SEZ6L: variants seen among roughly 807,000 people sequenced by gnomAD.
SEZ6L encodes seizure 6-like protein.
A neutral mutation model predicts 106.2 loss-of-function variants in SEZ6L; 37 were observed. The observed-to-expected ratio is 0.35, with a 90% CI of 0.27 to 0.46. The LOEUF is 0.46. Among genes scored for constraint, SEZ6L ranks in the 20% least tolerant of loss-of-function variants. The pLI, the probability that SEZ6L is intolerant of heterozygous loss-of-function variation, is 1.00. For synonymous variants in SEZ6L, 541 were observed against 570.4 expected (o/e 0.95, Z 0.73); for missense variants, 1,172 against 1,332.8 (o/e 0.88, Z 1.88).
Position 26,365,432 on chromosome 22 carries a change from A to T in SEZ6L, c.2660A>T (p.Tyr887Phe). 6.2e-7 allele frequency: 1 copy of T among 1,613,812 alleles called. No homozygotes were observed. Among genetic ancestry groups the T allele is most frequent in the Non-Finnish European group, 8.5e-7 (1 of 1,179,762 alleles). Reference sequence around the variant, plus strand: ...CCTGAAAATGGATACCAAATCCTGTACAAGCGACTCTACCTGCCAGGAGAG... The same window carrying T: ...CCTGAAAATGGATACCAAATCCTGTTCAAGCGACTCTACCTGCCAGGAGAG... ...GLPENGYQILYKRLYLPGESL... is the reference protein window; with the variant it reads ...GLPENGYQILFKRLYLPGESL... The change falls in exon 13 of 17, where the codon TAC becomes TTC. Residue 887 changes from tyrosine (Y) to phenylalanine (F), a missense_variant. Tyr to Phe is a conservative substitution (Grantham distance 22). Transcript: ENST00000248933.
intron 9 of SEZ6L, among the ~76,000 whole-genome samples, chr22:26,331,667 T>C (rs1020544359): frequency 6.6e-5 from 10 of 152,162 alleles, no homozygotes; most frequent in African/African-American, 1.9e-4. Context: ...TGTAAAATGT[T>C]AGGGAGACAA....
At position 26,347,837 on chromosome 22, in the gene SEZ6L, T is replaced by C. The variant is rs1401758688; in HGVS notation, c.2331T>C (p.Tyr777=). The C allele has an allele frequency of 1.2e-6, 2 of 1,604,804 alleles. No individual in the cohort carries two copies. The change falls in exon 11 of 17, where the codon TAT becomes TAC. Residue 777 remains tyrosine, a synonymous_variant. Coordinates refer to ENST00000248933, the MANE Select transcript of SEZ6L (RefSeq NM_021115.5). ...ARITYQCDPG[Y]DIVGSDTLTC... ...TCACCTACCAGTGTGACCCCGGCTA[T>C]GACATCGTGGGGAGTGACACCCTCA...
At chr22:26,380,221 C>A (rs2084371497) in intron 16 of SEZ6L, 45 bp from the exon 17 acceptor site, 18 of 1,602,890 alleles carry the variant, frequency 1.1e-5, no homozygotes, top group Non-Finnish European at 1.5e-5. Context: ...GTATATCACT[C>A]TACCACACAA....
chr22:26,231,745 A>G (rs1192087481), intron 1 of SEZ6L, among the ~76,000 whole-genome samples: 1 of 152,234 alleles, frequency 6.6e-6, no homozygotes, highest in Non-Finnish European at 1.5e-5. Flanking sequence ...GCAGAGGCAG[A>G]AAGCATTCTG....
In SEZ6L at chr22:26,293,091, G is replaced by A; in HGVS notation, c.780G>A (p.Glu260=). Residue 260 remains glutamate (E), a synonymous_variant, in exon 2 of 17, where the codon GAG becomes GAA. Coordinates refer to ENST00000248933, the MANE Select transcript of SEZ6L (RefSeq NM_021115.5). ...GGTCAGCCTCAGAGGAGAGCCAGGA[G>A]ACCACTACCTCCACCATTATCACCA... ...LTGSASEESQ[E]TTTSTIITTT... 1 of 1,607,652 alleles carries A rather than the reference G, an allele frequency of 6.2e-7. No individual in the cohort carries two copies.
intron 13 of SEZ6L, among the ~76,000 whole-genome samples, chr22:26,372,370 G>A (rs2146077702): frequency 6.6e-6 from 1 of 152,294 alleles, no homozygotes; most frequent in South Asian, 2.1e-4. Flanking sequence ...CAACCACGGT[G>A]CAACTCACAT....
At chr22:26,216,091 A>G (rs2078290563) in intron 1 of SEZ6L, among the ~76,000 whole-genome samples, 1 of 152,112 alleles carries the variant, frequency 6.6e-6, no homozygotes. Context: ...CCATCCAGCA[A>G]GCTTAAAGGA....
rs117046637 is a variant in SEZ6L, at chr22:26,194,603, G to C, written c.94+24840G>C. On this transcript the variant is annotated intron_variant, in intron 1 of 16. Coordinates refer to ENST00000248933, the MANE Select transcript of SEZ6L (RefSeq NM_021115.5). Reference sequence around the variant, plus strand: ...AACCATTGGACATAATATGCACTAGGCTCTTAGAAAAGAGTTGAGGGATCA... The same window carrying C: ...AACCATTGGACATAATATGCACTAGCCTCTTAGAAAAGAGTTGAGGGATCA... 3.2e-3 allele frequency among the ~76,000 whole-genome samples: 481 copies of C among 152,314 alleles called. 3 individuals are homozygous for C. Among genetic ancestry groups the C allele is most frequent in the Middle Eastern group, 0.017 (5 of 294 alleles).
At chr22:26,350,802 G>A (rs567270656) in intron 11 of SEZ6L, among the ~76,000 whole-genome samples, 4 of 151,866 alleles carry the variant, frequency 2.6e-5, no homozygotes, top group South Asian at 2.1e-4. Flanking sequence ...GAGTACAGGC[G>A]CCCACCACCA....
chr22:26,193,326 G>A (rs904752612), intron 1 of SEZ6L, among the ~76,000 whole-genome samples: 6 of 152,142 alleles, frequency 3.9e-5, no homozygotes, highest in Admixed American at 6.5e-5. Context: ...AGCCCTTGGT[G>A]AATATCCTAG....
intron 1 of SEZ6L, among the ~76,000 whole-genome samples, chr22:26,206,087 A>T (rs1489750864): frequency 6.6e-6 from 1 of 152,224 alleles, no homozygotes; most frequent in Non-Finnish European, 1.5e-5. Context: ...TTCACTCTAC[A>T]AACATAACCC....
chr22:26,276,745 T>C (rs1453876050), intron 1 of SEZ6L, among the ~76,000 whole-genome samples: 1 of 152,058 alleles, frequency 6.6e-6, no homozygotes, highest in African/African-American at 2.4e-5. Flanking sequence ...CACAAAGCCG[T>C]ACCATGAGAT....
At chr22:26,313,272 AG>A (rs2081895200) in intron 8 of SEZ6L, among the ~76,000 whole-genome samples, 1 of 152,164 alleles carries the variant, frequency 6.6e-6, no homozygotes, top group Admixed American at 6.5e-5. Context: ...TAACCCAATG[AG>A]GTTGGCAGTG....
At chr22:26,201,769 G>A (rs77687814) in intron 1 of SEZ6L, among the ~76,000 whole-genome samples, 1 of 152,116 alleles carries the variant, frequency 6.6e-6, no homozygotes, top group Non-Finnish European at 1.5e-5. Context: ...GGTAGTTGAA[G>A]TTGGTCAAAT....
At chr22:26,317,865 C>A (rs578259357) in intron 9 of SEZ6L, among the ~76,000 whole-genome samples, 1 of 152,192 alleles carries the variant, frequency 6.6e-6, no homozygotes, top group African/African-American at 2.4e-5. Flanking sequence ...CCTAGCATCT[C>A]TGGGCCTCAG....
chr22:26,177,622 G>T (rs1471034450), intron 1 of SEZ6L, among the ~76,000 whole-genome samples: 2 of 152,140 alleles, frequency 1.3e-5, no homozygotes, highest in African/African-American at 2.4e-5. Flanking sequence ...CCAGGCTCTA[G>T]AGTCAGAGCA....
intron 1 of SEZ6L, among the ~76,000 whole-genome samples, chr22:26,272,893 G>T (rs1041837652): frequency 1.3e-5 from 2 of 152,206 alleles, no homozygotes; most frequent in Non-Finnish European, 2.9e-5. Flanking sequence ...TTGTGGGTAT[G>T]TGTACTTCCA....
At position 26,296,885 on chromosome 22, in the gene SEZ6L, C is replaced by T. The variant is rs2081316706; in HGVS notation, c.970-3C>T. On this transcript the variant is annotated splice_polypyrimidine_tract_variant and splice_region_variant and intron_variant, in intron 3 of 16. Coordinates refer to ENST00000248933, the MANE Select transcript of SEZ6L (RefSeq NM_021115.5). The stretch of plus-strand genomic sequence containing the variant: ...CTCTCTGTCTGCTTCTGCCTGTTCC[C>T]AGGTGAAGAGTGTGAACCTGTCCGA... The T allele has an allele frequency of 2.5e-6, 4 of 1,577,022 alleles. No homozygotes were observed. Among genetic ancestry groups the T allele is most frequent in the Non-Finnish European group, 3.5e-6 (4 of 1,157,540 alleles).
chr22:26,270,463 G>GGGGTGT (rs148876474), intron 1 of SEZ6L, among the ~76,000 whole-genome samples: 4 of 146,264 alleles, frequency 2.7e-5, no homozygotes, highest in African/African-American at 7.6e-5. Flanking sequence ...AATTGTGAGG[G>GGGGTGT]GTGTGTGTGT....
Sources: gnomAD v4.1 joint callset for allele counts (sites outside exome capture counted in the v4.1 genomes callset) on GRCh38, gnomAD v4.1.1 for gene constraint, MANE v1.5 for transcripts, NCBI Gene and HGNC (gene_info 2026-07-23, HGNC 2026-07-21) for gene names.